Variants in PIEZO1 observed in about 807,000 individuals in gnomAD.
The protein encoded by PIEZO1 is piezo-type mechanosensitive ion channel component 1.
A neutral mutation model predicts 297.2 loss-of-function variants in PIEZO1; 296 were observed. That is an observed-to-expected ratio of 1.00 (90% CI 0.91 to 1.10). The LOEUF is 1.10. Ranked by LOEUF, PIEZO1 falls within the 50% of genes least tolerant of loss-of-function variation. The pLI is 0.00. For missense variants in PIEZO1, 5,018 were observed against 3,455.5 expected, an observed-to-expected ratio of 1.45 and a Z score of -11.34; for synonymous variants, 2,427 against 1,507.5, an observed-to-expected ratio of 1.61 and a Z score of -14.13.
intron 1 of PIEZO1, among the ~76,000 whole-genome samples, chr16:88,767,340 T>A (rs899660378): frequency 3.9e-5 from 6 of 152,158 alleles, no homozygotes; most frequent in African/African-American, 1.2e-4. Context: ...GTCAGGGGGC[T>A]GTGCTGGGAG....
Position 88,726,367 on chromosome 16 carries a change from C to T in PIEZO1, c.3885G>A (p.Leu1295=). 6.4e-7 allele frequency: 1 copy of T among 1,550,458 alleles called. No individual in the cohort carries two copies. The highest frequency in any genetic ancestry group is 8.7e-7 in the Non-Finnish European group (1 of 1,146,936). The part of the protein sequence containing the change: ...IIWDSVCFFF[L]LLQRRVFLSH... ...TAAGGAAGACGCGGCGCTGCAGCAG[C>T]AGGAAGAAGAAGCAGACGCTGTCCC... The change falls in exon 27 of 51, where the codon CTG becomes CTA. Residue 1295 remains leucine, a synonymous_variant. Coordinates refer to ENST00000301015, the MANE Select transcript of PIEZO1 (RefSeq NM_001142864.4).
rs1298816203 is a variant in PIEZO1 at position 88,727,674 on chromosome 16, G to A, written c.3197-13C>T. On this transcript the variant is annotated splice_polypyrimidine_tract_variant and intron_variant, in intron 22 of 50. Coordinates refer to ENST00000301015, the MANE Select transcript of PIEZO1 (RefSeq NM_001142864.4). ...CGCCAGGGATAATCTGGGGGAAGGG[G>A]TGTCATGTCAGGAAGGGCCGGGCCT... The A allele has an allele frequency of 2.2e-6, 3 of 1,388,640 alleles. No individual in the cohort carries two copies. Among genetic ancestry groups the A allele is most frequent in the Non-Finnish European group, 2.9e-6 (3 of 1,036,930 alleles). 86.0% of individuals were successfully genotyped at this position (1,388,640 alleles called of 1,614,324 possible). A position where few individuals can be genotyped will look rare whatever the true frequency, so the allele number is the denominator to read the frequency against.
chr16:88,732,494 G>T lies in PIEZO1; in HGVS notation c.2832C>A (p.Ile944=), dbSNP rs754795016. 1.9e-6 allele frequency: 3 copies of T among 1,548,608 alleles called. No homozygotes were observed. In the South Asian group the frequency reaches 3.6e-5, roughly 18 times the overall value. The change falls in exon 21 of 51, where the codon ATC becomes ATA. Residue 944 remains isoleucine (I), a synonymous_variant. Transcript: ENST00000301015. ...QVLLLLVFEA[I]VYRRQEHYRR... ...GGTAGTGCTCCTGGCGCCGGTACAC[G>T]ATGGCCTCGAATACCAGCAGCAGCA... is the stretch of plus-strand genomic sequence containing the variant.
Position 88,734,805 on chromosome 16 carries a change from G to C in PIEZO1, c.1849-7C>G. On this transcript the variant is annotated splice_region_variant and splice_polypyrimidine_tract_variant and intron_variant, in intron 14 of 50. Transcript: ENST00000301015. ...GCCACAGGCTGTAGTAGACCTGCCGGGTGAGGTGGGGGTGGTGAGGACCGC... is the reference window on the plus strand; with the variant it reads ...GCCACAGGCTGTAGTAGACCTGCCGCGTGAGGTGGGGGTGGTGAGGACCGC... 3.9e-6 allele frequency: 6 copies of C among 1,550,254 alleles called. No homozygotes were observed. Among genetic ancestry groups the C allele is most frequent in the Non-Finnish European group, 5.2e-6 (6 of 1,146,880 alleles).
chr16:88,742,748 C>G (rs1365178005), intron 2 of PIEZO1: 1 of 369,684 alleles, frequency 2.7e-6, no homozygotes, highest in Admixed American at 4.1e-5. Flanking sequence ...TGTCACCGTT[C>G]AGTTGTGGAA....
chr16:88,763,555 G>T (rs1231564098), intron 1 of PIEZO1, among the ~76,000 whole-genome samples: 1 of 152,218 alleles, frequency 6.6e-6, no homozygotes, highest in African/African-American at 2.4e-5. Context: ...GGAAGGCACT[G>T]ACATGCCTCG....
chr16:88,715,729 C>A lies in PIEZO1; in HGVS notation c.7442G>T (p.Cys2481Phe), dbSNP rs761535896. The A allele has an allele frequency of 2.6e-6, 4 of 1,550,334 alleles. No individual in the cohort carries two copies. Among genetic ancestry groups the A allele is most frequent in the East Asian group, 2.4e-5 (1 of 40,934 alleles). Residue 2481 changes from cysteine (C) to phenylalanine (F), a missense_variant, in exon 51 of 51, where the codon TGC (cysteine) becomes TTC (phenylalanine). Physicochemically the swap from Cys to Phe is radical, Grantham distance 205. Coordinates refer to ENST00000301015, the MANE Select transcript of PIEZO1 (RefSeq NM_001142864.4). The part of the protein sequence containing the change: ...LPCVDRILKL[C>F]QDIFLVRETR... ...CTCCCGCACCAGGAAGATGTCCTGGCAGAGCTTGAGGATGCGGTCCACGCA... is the reference window on the plus strand; with the variant it reads ...CTCCCGCACCAGGAAGATGTCCTGGAAGAGCTTGAGGATGCGGTCCACGCA...
Position 88,734,219 on chromosome 16 carries a change from C to T in PIEZO1, c.2180+137G>A, listed in dbSNP as rs1905060108. The T allele has an allele frequency of 5.9e-6, 7 of 1,180,250 alleles. No individual in the cohort carries two copies. The South Asian group carries it at 6.3e-5, about 11-fold the overall frequency. The allele number at this position is 1,180,250 out of a possible 1,614,324, so 73.1% of individuals were successfully genotyped here. A position where few individuals can be genotyped will look rare whatever the true frequency, so the allele number is the denominator to read the frequency against. ...GTCCCTGTGACCTCCACGCTACTGC[C>T]ATCCCCTTGGTATGAGCAAATGCCC... On this transcript the variant is annotated intron_variant, in intron 16 of 50. Coordinates refer to ENST00000301015, the MANE Select transcript of PIEZO1 (RefSeq NM_001142864.4).
chr16:88,718,172 C>T (rs1912185508), intron 44 of PIEZO1: 1 of 175,278 alleles, frequency 5.7e-6, no homozygotes, highest in Admixed American at 5.9e-5. Context: ...CGTCGGTCAA[C>T]AGGGAACTGA....
intron 44 of PIEZO1, chr16:88,719,255 C>A (rs1220724967): frequency 6.3e-6 from 2 of 318,564 alleles, no homozygotes; most frequent in Admixed American, 9.3e-5. Flanking sequence ...CGCACGAATT[C>A]TCTCTGAGAA....
rs1295001916 is a variant in PIEZO1 at position 88,716,908 on chromosome 16, G to GCACGGGGA, written c.6661-18_6661-11dup. ...TCATGGTGAACAGCGGCTGGGGCAG[G>GCACGGGGA]CACGGGGACACGGGGCCACGAAGAT... On this transcript the variant is annotated splice_polypyrimidine_tract_variant and intron_variant, in intron 45 of 50. Coordinates refer to ENST00000301015, the MANE Select transcript of PIEZO1 (RefSeq NM_001142864.4). The GCACGGGGA allele has an allele frequency of 1.7e-5, 26 of 1,549,398 alleles. No individual in the cohort carries two copies. The highest frequency in any genetic ancestry group is 1.7e-4 in the Middle Eastern group (1 of 5,988).
intron 1 of PIEZO1, among the ~76,000 whole-genome samples, chr16:88,753,531 A>G (rs1010053152): frequency 3.3e-5 from 5 of 151,970 alleles, no homozygotes; most frequent in Admixed American, 2.0e-4. Context: ...TCCTCGGAGT[A>G]GCCGGCTAGC....
At chr16:88,731,637 C>A in intron 22 of PIEZO1, 69 bp downstream of exon 22, 1 of 1,259,922 alleles carries the variant, frequency 7.9e-7, no homozygotes, top group South Asian at 1.3e-5. Flanking sequence ...CTGGGGCAGG[C>A]GGGAAACACC....
intron 1 of PIEZO1, among the ~76,000 whole-genome samples, chr16:88,775,726 C>CT (rs1907628134): frequency 1.0e-5 from 1 of 98,752 alleles, no homozygotes; most frequent in Non-Finnish European, 1.9e-5. Flanking sequence ...AAGACGCTGT[C>CT]AAAAAAAAAA....
chr16:88,784,956 C>A lies in PIEZO1; in HGVS notation c.9G>T (p.Pro3=), dbSNP rs1021078734. 14 of 1,376,042 alleles carry A rather than the reference C, an allele frequency of 1.0e-5. No individual in the cohort carries two copies. Among genetic ancestry groups the A allele is most frequent in the Middle Eastern group, 2.7e-4 (1 of 3,756 alleles). 85.2% of individuals were successfully genotyped at this position (1,376,042 alleles called of 1,614,324 possible). A position where few individuals can be genotyped will look rare whatever the true frequency, so the allele number is the denominator to read the frequency against. ME[P]HVLGAVLYWL... is the part of the protein sequence containing the mutation. ...AGTACAGGACCGCGCCGAGCACGTG[C>A]GGCTCCATGGCTGGAGGGCCCAGGG... Residue 3 remains proline, a synonymous_variant, in exon 1 of 51, where the codon CCG becomes CCT. Coordinates refer to ENST00000301015, the MANE Select transcript of PIEZO1 (RefSeq NM_001142864.4).
chr16:88,732,892 C>T, intron 19 of PIEZO1, 160 bp from the exon 20 acceptor site: 1 of 710,730 alleles, frequency 1.4e-6, no homozygotes, highest in Non-Finnish European at 2.3e-6. Flanking sequence ...GGAAGGGGAC[C>T]AGGTGTTTGA....
intron 1 of PIEZO1, among the ~76,000 whole-genome samples, chr16:88,773,450 C>A (rs1182633204): frequency 6.6e-6 from 1 of 152,254 alleles, no homozygotes; most frequent in Non-Finnish European, 1.5e-5. Context: ...GGGCGCAGCA[C>A]AGACTGCCTC....
rs946170817 is a variant in PIEZO1, at chr16:88,726,584, G to A, written c.3759C>T (p.Leu1253=). The part of the protein sequence containing the change: ...MQTGFCWVIQ[L]FSLVCTVKGY... ...CCTTGACGGTGCATACAAGGCTGAA[G>A]AGCTGGATGACCCAGCAGAAGCCGG... Residue 1253 remains leucine, a synonymous_variant, in exon 26 of 51, where the codon CTC becomes CTT. Transcript: ENST00000301015. 2.6e-5 allele frequency: 40 copies of A among 1,549,824 alleles called. No individual in the cohort carries two copies. Among genetic ancestry groups the A allele is most frequent in the Non-Finnish European group, 3.4e-5 (39 of 1,146,748 alleles).
rs1912027632 is a variant in PIEZO1 at position 88,716,326 on chromosome 16, A to G, written c.7049+35T>C. The G allele has an allele frequency of 3.3e-6, 5 of 1,502,602 alleles. No homozygotes were observed. In the East Asian group the frequency reaches 7.4e-5, roughly 22 times the overall value. The allele number at this position is 1,502,602 out of a possible 1,614,324, so 93.1% of individuals were successfully genotyped here. ...AGGCCTGGCCCAGCCAACCTGGCAC[A>G]GCCCTCCTGCCCACCACCCGGGCCC... On this transcript the variant is annotated intron_variant, in intron 48 of 50. Coordinates refer to ENST00000301015, the MANE Select transcript of PIEZO1 (RefSeq NM_001142864.4).
Sources: allele counts gnomAD v4.1 joint callset (sites outside exome capture counted in the v4.1 genomes callset), GRCh38; gene constraint gnomAD v4.1.1; transcripts MANE v1.5; gene names NCBI Gene and HGNC (gene_info 2026-07-23, HGNC 2026-07-21).